DYM: variants seen among roughly 807,000 people sequenced by gnomAD.
DYM encodes dymeclin, also known as dyggve-Melchior-Clausen syndrome protein.
DYM carries 78 observed loss-of-function variants against 93.1 expected under a neutral mutation model. That is an observed-to-expected ratio of 0.84 (90% CI 0.70 to 1.01). DYM has a LOEUF of 1.01. DYM is among the 50% of genes least tolerant of loss of function. The probability of loss-of-function intolerance (pLI) is 0.00; values close to 1 mark genes in which losing one functional copy is unlikely to be tolerated. For synonymous variants in DYM, 321 were observed against 319.7 expected (o/e 1.00, Z -0.04); for missense variants, 789 against 845.0 (o/e 0.93, Z 0.82).
At chr18:49,297,782 CAAT>C (rs1051226167) in intron 8 of DYM, among the ~76,000 whole-genome samples, 10 of 151,348 alleles carry the variant, frequency 6.6e-5, no homozygotes, top group African/African-American at 1.2e-4. Context: ...CTTAGAACAA[CAAT>C]GTTTCCTAAA....
intron 11 of DYM, among the ~76,000 whole-genome samples, chr18:49,259,643 T>C (rs2094458996): frequency 6.6e-6 from 1 of 152,226 alleles, no homozygotes; most frequent in Non-Finnish European, 1.5e-5. Context: ...TTGTTGATTT[T>C]ATTGAATGTA....
At chr18:49,402,599 A>C (rs1479346874) in intron 2 of DYM, among the ~76,000 whole-genome samples, 3 of 152,192 alleles carry the variant, frequency 2.0e-5, no homozygotes, top group Non-Finnish European at 4.4e-5. Flanking sequence ...CAGGTACATA[A>C]TCTTTAAAAA....
intron 17 of DYM, among the ~76,000 whole-genome samples, chr18:49,058,735 A>G (rs1206023153): frequency 6.6e-6 from 1 of 152,244 alleles, no homozygotes; most frequent in African/African-American, 2.4e-5. Context: ...GTTACCTTGG[A>G]AACACCCATA....
chr18:49,050,163 T>C lies in DYM; in HGVS notation c.2026-5959A>G, dbSNP rs1416472235. ...GTGCAATGGCGCGATCTCGGCTCAC[T>C]GCAACCTCCGCCTCCCGGGTTCAAG... is the stretch of plus-strand genomic sequence containing the variant. On this transcript the variant is annotated intron_variant, in intron 17 of 17. Coordinates refer to ENST00000675505, the MANE Select transcript of DYM (RefSeq NM_001353214.3). 1.0e-4 allele frequency among the ~76,000 whole-genome samples: 15 copies of C among 149,312 alleles called. No homozygotes were observed. In the Admixed American group the frequency reaches 1.0e-3, roughly 10 times the overall value.
intron 2 of DYM, among the ~76,000 whole-genome samples, chr18:49,419,972 T>C (rs2073458410): frequency 6.6e-6 from 1 of 152,212 alleles, no homozygotes; most frequent in South Asian, 2.1e-4. Flanking sequence ...TACTCAGTGA[T>C]AATTCTGCAA....
intron 13 of DYM, among the ~76,000 whole-genome samples, chr18:49,217,049 A>T (rs1040972828): frequency 6.6e-6 from 1 of 152,228 alleles, no homozygotes; most frequent in Non-Finnish European, 1.5e-5. Context: ...CAATAGAGAG[A>T]AGTGCTTAAA....
chr18:49,118,045 C>G (rs1599872950), intron 16 of DYM, among the ~76,000 whole-genome samples: 1 of 116,782 alleles, frequency 8.6e-6, no homozygotes. Context: ...GTTTTACTCT[C>G]GTTGCTCAGG....
In DYM at chr18:49,372,005, C is replaced by T. The variant is rs187704239; in HGVS notation, c.421+6562G>A. Among the ~76,000 whole-genome samples, 251 of 152,344 alleles carry T rather than the reference C, an allele frequency of 1.6e-3. 1 individual carries two copies. The highest frequency in any genetic ancestry group is 2.5e-3 in the Non-Finnish European group (172 of 68,038). On this transcript the variant is annotated intron_variant, in intron 5 of 17. Transcript: ENST00000675505. ...ATGGATTGGAATAAAGAAAAAAATG[C>T]TGTATGTGGAATAAGCCAACATACC...
chr18:49,336,923 T>C (rs2063716119), intron 6 of DYM, among the ~76,000 whole-genome samples: 1 of 152,204 alleles, frequency 6.6e-6, no homozygotes, highest in African/African-American at 2.4e-5. Context: ...GGCAATTACT[T>C]ACAAATCTTT....
rs540746813 is a variant in DYM, at chr18:49,227,975, G to A, written c.1461-18260C>T. Among the ~76,000 whole-genome samples, 11 of 152,174 alleles carry A rather than the reference G, an allele frequency of 7.2e-5. No individual in the cohort carries two copies. The South Asian group carries it at 2.1e-3, about 29-fold the overall frequency. The stretch of plus-strand genomic sequence containing the variant: ...TCCCCGATTGCTACATGCACATTTT[G>A]GTGCTCTCCCTTCTAGGTTCCCACT... On this transcript the variant is annotated intron_variant, in intron 13 of 17. Coordinates refer to ENST00000675505, the MANE Select transcript of DYM (RefSeq NM_001353214.3).
At chr18:49,366,154 T>C (rs919925526) in intron 5 of DYM, among the ~76,000 whole-genome samples, 26 of 152,192 alleles carry the variant, frequency 1.7e-4, no homozygotes, top group African/African-American at 6.3e-4. Context: ...GTATTTTAAG[T>C]GAAGATTGAC....
At chr18:49,169,012 TAAG>T (rs2088294744) in intron 14 of DYM, among the ~76,000 whole-genome samples, 1 of 152,028 alleles carries the variant, frequency 6.6e-6, no homozygotes, top group South Asian at 2.1e-4. Context: ...AGGGGCCAAA[TAAG>T]AAGGCCACAT....
rs1190012306 is a variant in DYM at position 49,301,521 on chromosome 18, A to AG, written c.764-14906dup. Among the ~76,000 whole-genome samples the AG allele has an allele frequency of 2.3e-4, 34 of 147,330 alleles. No individual in the cohort carries two copies. The East Asian group carries it at 6.7e-3, about 29-fold the overall frequency. Reference sequence around the variant, plus strand: ...GGGTGACAGAGTGAGACTCCGTCTCAGAAAAAAAAAAAAAAAAAAGGTTCC... The same window carrying AG: ...GGGTGACAGAGTGAGACTCCGTCTCAGGAAAAAAAAAAAAAAAAAAGGTTCC... On this transcript the variant is annotated intron_variant, in intron 8 of 17. Coordinates refer to ENST00000675505, the MANE Select transcript of DYM (RefSeq NM_001353214.3).
At chr18:49,162,325 A>C (rs1477353182) in intron 15 of DYM, among the ~76,000 whole-genome samples, 3 of 152,170 alleles carry the variant, frequency 2.0e-5, no homozygotes, top group Non-Finnish European at 4.4e-5. Flanking sequence ...TGGGAAGGCC[A>C]TGGTCAAGGA....
intron 1 of DYM, among the ~76,000 whole-genome samples, chr18:49,450,557 A>G (rs2082438621): frequency 6.6e-6 from 1 of 152,208 alleles, no homozygotes; most frequent in Non-Finnish European, 1.5e-5. Context: ...TCAAGTTTCA[A>G]AATTGTCCTT....
chr18:49,456,247 C>T (rs964226628), intron 1 of DYM, among the ~76,000 whole-genome samples: 2 of 152,198 alleles, frequency 1.3e-5, no homozygotes, highest in South Asian at 4.1e-4. Flanking sequence ...AGCTGCCAAA[C>T]CAGCCTTTAA....
At chr18:49,057,859 A>C (rs1352708857) in intron 17 of DYM, among the ~76,000 whole-genome samples, 1 of 152,246 alleles carries the variant, frequency 6.6e-6, no homozygotes, top group African/African-American at 2.4e-5. Flanking sequence ...ACTTGGACAA[A>C]CCATGTCCCT....
intron 8 of DYM, among the ~76,000 whole-genome samples, chr18:49,294,938 A>C (rs1599208110): frequency 6.6e-6 from 1 of 152,198 alleles, no homozygotes; most frequent in East Asian, 1.9e-4. Flanking sequence ...AGATGTATAA[A>C]AATTCTGCTA....
intron 16 of DYM, among the ~76,000 whole-genome samples, chr18:49,098,952 CA>C (rs1206571070): frequency 6.6e-6 from 1 of 152,114 alleles, no homozygotes; most frequent in Admixed American, 6.5e-5. Flanking sequence ...AATATCTTCA[CA>C]GGTTGTAAAC....
Sources: allele counts gnomAD v4.1 joint callset (sites outside exome capture counted in the v4.1 genomes callset), GRCh38; gene constraint gnomAD v4.1.1; transcripts MANE v1.5; gene names NCBI Gene and HGNC (gene_info 2026-07-23, HGNC 2026-07-21).